The following CEP72 variants were observed in gnomAD, a reference collection of about 807,000 sequenced individuals.
CEP72 encodes the protein centrosomal protein of 72 kDa.
CEP72 carries 78 observed loss-of-function variants against 65.7 expected under a neutral mutation model. The ratio of observed to expected loss-of-function variants is 1.19; its 90% CI spans 0.99 to 1.43. CEP72 has a LOEUF of 1.43. Ranked by LOEUF, CEP72 falls within the 40% of genes most tolerant of loss-of-function variation. The probability of loss-of-function intolerance (pLI) is 0.00; values close to 1 mark genes in which losing one functional copy is unlikely to be tolerated. For synonymous variants in CEP72, 358 were observed against 351.7 expected (o/e 1.02, Z -0.20); for missense variants, 914 against 832.9 (o/e 1.10, Z -1.20).
rs2126785908 is a variant in CEP72, at chr5:637,087, T to C, written c.905-430T>C. Among the ~76,000 whole-genome samples, 2 of 152,312 alleles carry C rather than the reference T, an allele frequency of 1.3e-5. 1 individual carries two copies. Among genetic ancestry groups the C allele is most frequent in the South Asian group, 4.1e-4 (2 of 4,824 alleles). On this transcript the variant is annotated intron_variant, in intron 6 of 11. Transcript: ENST00000264935. ...CCTGGGGGCTTAGTGGTCGGTACAGTGCACGGGACCCACCACTTTACGGAC... is the reference window on the plus strand; with the variant it reads ...CCTGGGGGCTTAGTGGTCGGTACAGCGCACGGGACCCACCACTTTACGGAC...
Position 633,944 on chromosome 5 carries a change from C to G in CEP72, c.688C>G (p.Gln230Glu). The G allele has an allele frequency of 6.2e-7, 1 of 1,611,236 alleles. No homozygotes were observed. Among genetic ancestry groups the G allele is most frequent in the South Asian group, 1.1e-5 (1 of 91,048 alleles). The change falls in exon 5 of 12, where the codon CAA (glutamine) becomes GAA (glutamate). Residue 230 changes from glutamine to glutamate, a missense_variant. By Grantham distance (29) the Gln-to-Glu change is conservative. Transcript: ENST00000264935. ...KGREADSRGS[Q>E]ESRHLLSPQL... Reference sequence around the variant, plus strand: ...GCGTGAGGCCGACTCTCGTGGTTCCCAAGGTGCGCTGCTCATCTGCCAGGA... The same window carrying G: ...GCGTGAGGCCGACTCTCGTGGTTCCGAAGGTGCGCTGCTCATCTGCCAGGA...
At chr5:633,715 G>A (rs1737384259) in intron 4 of CEP72, 54 bp from the exon 5 acceptor site, 1 of 1,553,348 alleles carries the variant, frequency 6.4e-7, no homozygotes, top group Admixed American at 1.7e-5. Context: ...GTCTGCGTGG[G>A]CCGGAGCATA....
At position 634,058 on chromosome 5, in the gene CEP72, G is replaced by A. The variant is rs1737419422; in HGVS notation, c.691+111G>A. On this transcript the variant is annotated intron_variant, in intron 5 of 11. Transcript: ENST00000264935. ...CTCTTTTTGTGGAACTTACCTTGAAGGATAGGATCTTCATGATGTGTCTTT... is the reference window on the plus strand; with the variant it reads ...CTCTTTTTGTGGAACTTACCTTGAAAGATAGGATCTTCATGATGTGTCTTT... 4.3e-6 allele frequency: 4 copies of A among 930,040 alleles called. No individual in the cohort carries two copies. In the Admixed American group the frequency reaches 7.5e-5, roughly 17 times the overall value. 57.6% of individuals were successfully genotyped at this position (930,040 alleles called of 1,614,324 possible). A position where few individuals can be genotyped will look rare whatever the true frequency, so the allele number is the denominator to read the frequency against.
At chr5:649,238 TGACTGTGAGGTGTG>T (rs1738725701) in intron 11 of CEP72, among the ~76,000 whole-genome samples, 3 of 25,872 alleles carry the variant, frequency 1.2e-4, no homozygotes, top group African/African-American at 4.8e-4. Context: ...CTGTGAGGTG[TGACTGTGAGGTGTG>T]GACTGTGAGG....
downstream of CEP72, among the ~76,000 whole-genome samples, chr5:657,731 A>G (rs1739415324): frequency 2.0e-5 from 3 of 152,170 alleles, no homozygotes; most frequent in South Asian, 6.2e-4. Flanking sequence ...GAGTCATTTC[A>G]GGGCCAGAGC....
At position 641,403 on chromosome 5, in the gene CEP72, G is replaced by T. The variant is rs547445382; in HGVS notation, c.1539+799G>T. ...GGCCTTGTCAGCATCTTTAAATTGC[G>T]AGTGAAGTCGGCCCGGGACGGCTTC... On this transcript the variant is annotated intron_variant, in intron 9 of 11. Coordinates refer to ENST00000264935, the MANE Select transcript of CEP72 (RefSeq NM_018140.4). 4.9e-5 allele frequency: 48 copies of T among 985,334 alleles called. 1 individual carries two copies. The highest frequency in any genetic ancestry group is 4.3e-4 in the Admixed American group (7 of 16,276). 61.0% of individuals were successfully genotyped at this position (985,334 alleles called of 1,614,324 possible).
Position 620,127 on chromosome 5 carries a change from C to T in CEP72, c.269C>T (p.Ser90Leu), listed in dbSNP as rs745522997. 5.6e-6 allele frequency: 9 copies of T among 1,614,070 alleles called. No homozygotes were observed. The highest frequency in any genetic ancestry group is 2.2e-5 in the East Asian group (1 of 44,896). The change falls in exon 3 of 12, where the codon TCG (serine) becomes TTG (leucine). Residue 90 changes from serine to leucine, a missense_variant. By Grantham distance (145) the Ser-to-Leu change is moderately radical. Coordinates refer to ENST00000264935, the MANE Select transcript of CEP72 (RefSeq NM_018140.4). ...SLNLYYNCIS[S>L]LAEVFRLHAL... is the part of the protein sequence containing the mutation. Reference sequence around the variant, plus strand: ...AATCTCTACTACAACTGCATCTCCTCGTTGGCAGAAGTGTTTCGGCTCCAC... The same window carrying T: ...AATCTCTACTACAACTGCATCTCCTTGTTGGCAGAAGTGTTTCGGCTCCAC...
At chr5:638,988 C>T in intron 7 of CEP72, 101 bp from the exon 8 acceptor site, 18 of 1,487,210 alleles carry the variant, frequency 1.2e-5, no homozygotes, top group Non-Finnish European at 1.7e-5. Context: ...CTGTCCTCCC[C>T]TTCGTGGTGC....
chr5:616,125 T>G (rs1735974764), intron 1 of CEP72, among the ~76,000 whole-genome samples: 2 of 152,224 alleles, frequency 1.3e-5, no homozygotes. Flanking sequence ...CATTCCACGA[T>G]GCTCTAGGTT....
the CEP72 span, among the ~76,000 whole-genome samples, chr5:674,195 C>T: frequency 2.0e-5 from 3 of 152,214 alleles, no homozygotes; most frequent in Non-Finnish European, 4.4e-5. Context: ...TCCTGTGTAT[C>T]CTGGAACACA....
chr5:672,210 C>T, the CEP72 span, among the ~76,000 whole-genome samples: 9 of 152,058 alleles, frequency 5.9e-5, no homozygotes, highest in Non-Finnish European at 1.0e-4. Flanking sequence ...GCCGGCTGGC[C>T]GGGGGGGTGT....
intron 9 of CEP72, chr5:643,576 A>G: frequency 2.0e-6 from 2 of 985,388 alleles, no homozygotes; most frequent in Non-Finnish European, 2.4e-6. Flanking sequence ...GCACAGACTC[A>G]GGCGCTCCCT....
rs929080167 is a variant in CEP72 at position 645,911 on chromosome 5, G to A, written c.1666+1486G>A. 8.0e-5 allele frequency among the ~76,000 whole-genome samples: 12 copies of A among 150,374 alleles called. No homozygotes were observed. The highest frequency in any genetic ancestry group is 2.9e-4 in the African/African-American group (12 of 40,840). ...GCTCCCGTCGGCGGCCTGTGTGGAC[G>A]GTGAATTCGGCTTCGTTACACTGTG... is the stretch of plus-strand genomic sequence containing the variant. On this transcript the variant is annotated intron_variant, in intron 10 of 11. Coordinates refer to ENST00000264935, the MANE Select transcript of CEP72 (RefSeq NM_018140.4). The surrounding 1 kb of genome is among the most constrained non-coding windows in gnomAD (Gnocchi z 4.0).
At chr5:612,474 G>A (rs1294951389) in intron 1 of CEP72, 31 bp downstream of exon 1, 1 of 1,396,320 alleles carries the variant, frequency 7.2e-7, no homozygotes, top group Non-Finnish European at 9.3e-7. Context: ...GGGTGCAAGC[G>A]TGAGGTGGCG....
rs2126744997 is a variant in CEP72, at chr5:623,173, A to G, written c.404-1298A>G. Among the ~76,000 whole-genome samples the G allele has an allele frequency of 6.6e-6, 1 of 152,180 alleles. No individual in the cohort carries two copies. The highest frequency in any genetic ancestry group is 2.1e-4 in the South Asian group (1 of 4,824). ...GCCGTCTCCCTCTTAGTGTTTCTGC[A>G]GAGAAGGAGCGCGACCGTCTCCCCT... On this transcript the variant is annotated intron_variant, in intron 3 of 11. Coordinates refer to ENST00000264935, the MANE Select transcript of CEP72 (RefSeq NM_018140.4). This position sits in a 1 kb window ranked among gnomAD's most constrained non-coding sequence, Gnocchi z 5.3.
At chr5:643,610 C>A (rs1318371780) in intron 9 of CEP72, 2 of 985,198 alleles carry the variant, frequency 2.0e-6, no homozygotes, top group Non-Finnish European at 2.4e-6. Context: ...TGAGCTGGGG[C>A]CTGCTCAGCA....
intron 3 of CEP72, chr5:665,445 A>G: frequency 1.4e-6 from 1 of 736,508 alleles, no homozygotes; most frequent in African/African-American, 1.8e-5. Flanking sequence ...TTTAATTCTT[A>G]TTTTTACCTC....
intron 11 of CEP72, among the ~76,000 whole-genome samples, chr5:650,098 TG>T (rs1374716535): frequency 4.2e-4 from 6 of 14,302 alleles, no homozygotes; most frequent in Non-Finnish European, 3.6e-4. Context: ...CTGTGAGGTG[TG>T]GACTGTGAGG....
Position 647,070 on chromosome 5 carries a change from G to A in CEP72, c.1667-735G>A, listed in dbSNP as rs373539338. On this transcript the variant is annotated intron_variant, in intron 10 of 11. Coordinates refer to ENST00000264935, the MANE Select transcript of CEP72 (RefSeq NM_018140.4). The stretch of plus-strand genomic sequence containing the variant: ...ACATGTCCATCGACATAGACTTCAC[G>A]CGGCGTGGCCTTCACACTGTGGATG... Among the ~76,000 whole-genome samples, 17 of 152,304 alleles carry A rather than the reference G, an allele frequency of 1.1e-4. No individual in the cohort carries two copies. In the East Asian group the frequency reaches 2.3e-3, roughly 21 times the overall value.
Sources: allele counts gnomAD v4.1 joint callset (sites outside exome capture counted in the v4.1 genomes callset), GRCh38; gene constraint gnomAD v4.1.1; non-coding constraint Gnocchi (gnomAD v3.1); transcripts MANE v1.5; gene names NCBI Gene and HGNC (gene_info 2026-07-23, HGNC 2026-07-21).